STX7: variants seen among roughly 807,000 people sequenced by gnomAD.
The protein encoded by STX7 is syntaxin 7, also known as syntaxin-7.
STX7 carries 34 observed loss-of-function variants against 39.6 expected under a neutral mutation model. That is an observed-to-expected ratio of 0.86 (90% CI 0.65 to 1.14). STX7 has a LOEUF of 1.14. Ranked by LOEUF, STX7 falls within the 50% of genes most tolerant of loss-of-function variation. The probability of loss-of-function intolerance (pLI) is 0.00; values close to 1 mark genes in which losing one functional copy is unlikely to be tolerated. For missense variants in STX7, 284 were observed against 310.4 expected (o/e 0.92, Z 0.64); for synonymous variants, 119 against 99.1 (o/e 1.20, Z -1.19).
chr6:132,497,941 A>G (rs1775456126), intron 2 of STX7, among the ~76,000 whole-genome samples: 1 of 152,192 alleles, frequency 6.6e-6, no homozygotes, highest in South Asian at 2.1e-4. Context: ...GATCTTCTAG[A>G]CCTGTGATAA....
chr6:132,472,177 C>T, intron 4 of STX7, 105 bp downstream of exon 4: 1 of 794,098 alleles, frequency 1.3e-6, no homozygotes, highest in South Asian at 2.2e-5. Flanking sequence ...TTTTGATTTC[C>T]TTTCTAGCAT....
chr6:132,477,232 C>A (rs1256360731), intron 2 of STX7, among the ~76,000 whole-genome samples: 1 of 152,022 alleles, frequency 6.6e-6, no homozygotes, highest in East Asian at 1.9e-4. Context: ...CCGTGTTTAA[C>A]TTATGGCTGC....
In STX7 at chr6:132,459,489, C is replaced by T. The variant is rs570828652; in HGVS notation, c.*1269G>A. 1 of 152,190 alleles carries T rather than the reference C, an allele frequency of 6.6e-6. No homozygotes were observed. The highest frequency in any genetic ancestry group is 1.5e-5 in the Non-Finnish European group (1 of 68,050). The allele number at this position is 152,190 out of a possible 1,614,324, so 9.4% of individuals were successfully genotyped here. ...ACCTGTGGTCCCACCAGAGCATAGT[C>T]CTCATGAAATAGGCCTAACCAGATA... On this transcript the variant is annotated 3_prime_UTR_variant, in exon 10 of 10. Coordinates refer to ENST00000367941, the MANE Select transcript of STX7 (RefSeq NM_003569.3).
intron 1 of STX7, among the ~76,000 whole-genome samples, chr6:132,505,842 T>C (rs1419680220): frequency 2.0e-5 from 3 of 149,494 alleles, no homozygotes; most frequent in Non-Finnish European, 4.4e-5. Context: ...CCTCAAATTA[T>C]ACTAAAAGGG....
At chr6:132,504,327 G>A (rs897914756) in intron 1 of STX7, among the ~76,000 whole-genome samples, 1 of 152,124 alleles carries the variant, frequency 6.6e-6, no homozygotes, top group African/African-American at 2.4e-5. Flanking sequence ...GAAGGAGAAC[G>A]AATGACTCTC....
intron 9 of STX7, chr6:132,461,746 T>C: frequency 1.6e-6 from 2 of 1,288,014 alleles, no homozygotes; most frequent in Non-Finnish European, 2.1e-6. Flanking sequence ...AAAATCATAA[T>C]GCTGTCATTG....
rs1774082996 is a variant in STX7 at position 132,448,993 on chromosome 6, T to A, written c.*11765A>T. ...CTTCCTTTTCCTGGTTGATATACAT[T>A]TTGCTTCTTGTATATGTGGATCCAC... is the stretch of plus-strand genomic sequence containing the variant. On this transcript the variant is annotated 3_prime_UTR_variant, in exon 10 of 10. Transcript: ENST00000367941. The A allele has an allele frequency of 6.6e-6, 1 of 151,958 alleles. No individual in the cohort carries two copies. The highest frequency in any genetic ancestry group is 2.4e-5 in the African/African-American group (1 of 41,336). The allele number at this position is 151,958 out of a possible 1,614,324, so 9.4% of individuals were successfully genotyped here. A position where few individuals can be genotyped will look rare whatever the true frequency, so the allele number is the denominator to read the frequency against.
intron 4 of STX7, 111 bp downstream of exon 4, chr6:132,472,171 G>T (rs1388105953): frequency 2.4e-5 from 18 of 751,924 alleles, no homozygotes; most frequent in East Asian, 5.6e-5. Flanking sequence ...AATTATTTTT[G>T]ATTTCCTTTC....
chr6:132,480,086 G>A (rs554280121), intron 2 of STX7, among the ~76,000 whole-genome samples: 5 of 151,528 alleles, frequency 3.3e-5, no homozygotes, highest in East Asian at 3.9e-4. Flanking sequence ...CCACTCCCCC[G>A]ACCCCATGCT....
rs144878495 is a variant in STX7, at chr6:132,502,665, T to C, written c.85+781A>G. ...CTGTAATCCCAGCACTTTAGGAGGCTGAGGCGGGAGGATCACGAAGTCAGG... is the reference window on the plus strand; with the variant it reads ...CTGTAATCCCAGCACTTTAGGAGGCCGAGGCGGGAGGATCACGAAGTCAGG... On this transcript the variant is annotated intron_variant, in intron 2 of 9. Coordinates refer to ENST00000367941, the MANE Select transcript of STX7 (RefSeq NM_003569.3). 8.1e-3 allele frequency among the ~76,000 whole-genome samples: 1,226 copies of C among 152,286 alleles called. 19 individuals carry two copies. The highest frequency in any genetic ancestry group is 0.028 in the African/African-American group (1,166 of 41,558).
At position 132,449,929 on chromosome 6, in the gene STX7, G is replaced by A. The variant is rs1045029464; in HGVS notation, c.*10829C>T. 3.3e-5 allele frequency: 5 copies of A among 152,128 alleles called. No individual in the cohort carries two copies. The highest frequency in any genetic ancestry group is 5.9e-5 in the Non-Finnish European group (4 of 68,028). 9.4% of individuals were successfully genotyped at this position (152,128 alleles called of 1,614,324 possible). On this transcript the variant is annotated 3_prime_UTR_variant, in exon 10 of 10. Transcript: ENST00000367941. ...GCATTAATTAGGGAGGCTTTCCTTC[G>A]GAGGGGATTTTCATCCACTTCTTAG...
Position 132,461,030 on chromosome 6 carries a change from C to T in STX7, c.694-180G>A, listed in dbSNP as rs760226730. ...AAAAATCTCTTTAATACATATGGCA[C>T]TATTCTTTCAAAAAAATTCTTGAAC... On this transcript the variant is annotated intron_variant, in intron 9 of 9. Coordinates refer to ENST00000367941, the MANE Select transcript of STX7 (RefSeq NM_003569.3). Among the ~76,000 whole-genome samples the T allele has an allele frequency of 3.4e-4, 52 of 152,128 alleles. 1 individual carries two copies. The highest frequency in any genetic ancestry group is 2.9e-4 in the Non-Finnish European group (20 of 68,042).
chr6:132,479,856 CA>C (rs1171582755), intron 2 of STX7, among the ~76,000 whole-genome samples: 5 of 152,180 alleles, frequency 3.3e-5, no homozygotes, highest in African/African-American at 1.2e-4. Context: ...TGATTTTACC[CA>C]TTTTATTTTC....
intron 2 of STX7, among the ~76,000 whole-genome samples, chr6:132,495,994 A>T (rs939217874): frequency 1.3e-5 from 2 of 152,202 alleles, no homozygotes; most frequent in Admixed American, 1.3e-4. Flanking sequence ...AAATGAAACA[A>T]GTGAAGATTC....
At chr6:132,486,727 C>T (rs1775142582) in intron 2 of STX7, among the ~76,000 whole-genome samples, 1 of 140,672 alleles carries the variant, frequency 7.1e-6, no homozygotes, top group Non-Finnish European at 1.5e-5. Context: ...AGTGCAGTGG[C>T]GTGACCTCAG....
At chr6:132,496,828 G>T (rs2842890) in intron 2 of STX7, among the ~76,000 whole-genome samples, 133,498 of 152,240 alleles carry the variant, frequency 0.88, 58,655 homozygotes, top group Middle Eastern at 0.98. Flanking sequence ...AAATGTTTCC[G>T]ATTATCTCAT....
At chr6:132,461,986 T>C (rs1041771989) in intron 9 of STX7, 2 of 903,836 alleles carry the variant, frequency 2.2e-6, no homozygotes, top group Non-Finnish European at 1.6e-6. Context: ...ATATTCCACA[T>C]ATTCATCTAA....
At chr6:132,506,458 T>G (rs1775708788) in intron 1 of STX7, among the ~76,000 whole-genome samples, 1 of 152,094 alleles carries the variant, frequency 6.6e-6, no homozygotes, top group South Asian at 2.1e-4. Context: ...TAGACATTTT[T>G]CAAAAGAAGA....
chr6:132,469,379 T>TCA lies in STX7; in HGVS notation c.537+571_537+572insTG, dbSNP rs1388042042. 2.6e-5 allele frequency among the ~76,000 whole-genome samples: 4 copies of TCA among 152,218 alleles called. No homozygotes were observed. In the South Asian group the frequency reaches 6.2e-4, roughly 24 times the overall value. On this transcript the variant is annotated intron_variant, in intron 7 of 9. Coordinates refer to ENST00000367941, the MANE Select transcript of STX7 (RefSeq NM_003569.3). Reference sequence around the variant, plus strand: ...CACTGGTATTTTCTCAATACTAAGGTGGTCCATAGATGGCTTGATATAACA... The same window carrying TCA: ...CACTGGTATTTTCTCAATACTAAGGTCAGGTCCATAGATGGCTTGATATAACA...
Sources: allele counts gnomAD v4.1 joint callset (sites outside exome capture counted in the v4.1 genomes callset), GRCh38; gene constraint gnomAD v4.1.1; transcripts MANE v1.5; gene names NCBI Gene and HGNC (gene_info 2026-07-23, HGNC 2026-07-21).